The following C6orf118 variants were observed in gnomAD, a reference collection of about 807,000 sequenced individuals.
C6orf118 encodes the protein uncharacterized protein C6orf118.
A neutral mutation model predicts 50.2 loss-of-function variants in C6orf118; 50 were observed. The ratio of observed to expected loss-of-function variants is 1.00; its 90% CI spans 0.79 to 1.26. The LOEUF is 1.26. Ranked by LOEUF, C6orf118 falls within the 50% of genes most tolerant of loss-of-function variation. The probability of loss-of-function intolerance (pLI) is 0.00; values close to 1 mark genes in which losing one functional copy is unlikely to be tolerated. For synonymous variants in C6orf118, 239 were observed against 230.9 expected (o/e 1.03, Z -0.32); for missense variants, 641 against 578.7 (o/e 1.11, Z -1.10).
intron 1 of C6orf118, among the ~76,000 whole-genome samples, chr6:165,302,716 AT>A (rs1166895651): frequency 6.6e-6 from 1 of 152,120 alleles, no homozygotes; most frequent in Non-Finnish European, 1.5e-5. Flanking sequence ...TTTGGGGGGT[AT>A]TCTCACTTAA....
At chr6:165,300,929 G>A (rs1481690964) in intron 2 of C6orf118, among the ~76,000 whole-genome samples, 1 of 144,502 alleles carries the variant, frequency 6.9e-6, no homozygotes, top group African/African-American at 2.9e-5. Flanking sequence ...CACATGTGCT[G>A]CCTGGGCATA....
chr6:165,303,193 G>A (rs1313386065), intron 1 of C6orf118, among the ~76,000 whole-genome samples: 1 of 152,148 alleles, frequency 6.6e-6, no homozygotes, highest in Non-Finnish European at 1.5e-5. Flanking sequence ...CAACCAAGGC[G>A]GCTGAATACT....
At chr6:165,307,767 C>G (rs1265054240) in intron 1 of C6orf118, among the ~76,000 whole-genome samples, 1 of 152,122 alleles carries the variant, frequency 6.6e-6, no homozygotes, top group African/African-American at 2.4e-5. Context: ...AGCAGCAGGC[C>G]CAGACCCACA....
chr6:165,294,978 A>C (rs1780240708), intron 5 of C6orf118, among the ~76,000 whole-genome samples: 2 of 152,134 alleles, frequency 1.3e-5, no homozygotes, highest in Non-Finnish European at 1.5e-5. Flanking sequence ...ATTTCCAGAA[A>C]ATTTTTACAT....
At chr6:165,291,510 C>A (rs1014226072) in intron 6 of C6orf118, among the ~76,000 whole-genome samples, 1 of 152,046 alleles carries the variant, frequency 6.6e-6, no homozygotes, top group African/African-American at 2.4e-5. Context: ...TGATACCATC[C>A]ATTGAAATAG....
At chr6:165,287,453 A>G (rs1423677823) in intron 7 of C6orf118, among the ~76,000 whole-genome samples, 1 of 152,186 alleles carries the variant, frequency 6.6e-6, no homozygotes, top group Non-Finnish European at 1.5e-5. Flanking sequence ...ATATGGAAAC[A>G]AAAAAGATCC....
chr6:165,290,031 A>G lies in C6orf118; in HGVS notation c.1157T>C (p.Leu386Pro). The change falls in exon 7 of 9, where the codon CTT becomes CCT. Residue 386 changes from leucine to proline, a missense_variant. By Grantham distance (98) the Leu-to-Pro change is moderately conservative. Transcript: ENST00000230301. ...SEKHIIDENR[L>P]TLTEKVEKKR... ...CTTTTCAACCTTCTCAGTAAGAGTA[A>G]GTCGGTTTTCATCAATTATATGTTT... is the stretch of plus-strand genomic sequence containing the variant. 6.2e-7 allele frequency: 1 copy of G among 1,606,998 alleles called. No homozygotes were observed.
chr6:165,301,634 C>G lies in C6orf118; in HGVS notation c.688G>C (p.Asp230His). Residue 230 changes from aspartate (D) to histidine (H), a missense_variant, in exon 2 of 9, where the codon GAT becomes CAT. Coordinates refer to ENST00000230301, the MANE Select transcript of C6orf118 (RefSeq NM_144980.4). ...RFQKEVLAKQ[D>H]LLKNDFTGSK... ...CCAGTGAAGTCATTCTTCAGGAGAT[C>G]TTGCTTGGCGAGCACTTCCTTCTGG... is the stretch of plus-strand genomic sequence containing the variant. 6.2e-7 allele frequency: 1 copy of G among 1,614,172 alleles called. No homozygotes were observed. Among genetic ancestry groups the G allele is most frequent in the East Asian group, 2.2e-5 (1 of 44,868 alleles).
At chr6:165,287,130 C>T (rs1779934390) in intron 7 of C6orf118, among the ~76,000 whole-genome samples, 1 of 151,932 alleles carries the variant, frequency 6.6e-6, no homozygotes, top group Non-Finnish European at 1.5e-5. Context: ...TCCTGTAAAC[C>T]AACAACAGAC....
At chr6:165,287,536 T>G (rs1362230253) in intron 7 of C6orf118, among the ~76,000 whole-genome samples, 1 of 152,162 alleles carries the variant, frequency 6.6e-6, no homozygotes, top group Non-Finnish European at 1.5e-5. Flanking sequence ...CAAGCTATAC[T>G]ACAAGGCTAC....
intron 1 of C6orf118, among the ~76,000 whole-genome samples, chr6:165,308,258 C>G (rs1276748982): frequency 6.6e-6 from 1 of 152,162 alleles, no homozygotes; most frequent in Non-Finnish European, 1.5e-5. Context: ...AGTGATTAGT[C>G]TGGATGGTCA....
In C6orf118 at chr6:165,300,544, G is replaced by T. The variant is rs1320528291; in HGVS notation, c.754-58C>A. 5.2e-6 allele frequency: 8 copies of T among 1,546,230 alleles called. No homozygotes were observed. In the South Asian group the frequency reaches 8.2e-5, roughly 16 times the overall value. On this transcript the variant is annotated intron_variant, in intron 2 of 8. Coordinates refer to ENST00000230301, the MANE Select transcript of C6orf118 (RefSeq NM_144980.4). ...GTGGCTTCATCTTTCTTCCAGAACC[G>T]AATTTCTCAGGAGTCAGTGAGGACA...
chr6:165,292,846 C>T (rs1375358904), intron 6 of C6orf118, among the ~76,000 whole-genome samples: 5 of 152,094 alleles, frequency 3.3e-5, no homozygotes, highest in African/African-American at 9.7e-5. Context: ...GGGAAAAAGG[C>T]GGTAAAAGCA....
chr6:165,289,991 T>C lies in C6orf118; in HGVS notation c.1197A>G (p.Ile399Met), dbSNP rs758980537. The C allele has an allele frequency of 1.9e-6, 3 of 1,611,212 alleles. No homozygotes were observed. In the South Asian group the frequency reaches 3.3e-5, roughly 18 times the overall value. ...TEKVEKKRCE[I>M]LSKWDEIQAL... ...CTTGTATCTCATCCCACTTACTGAG[T>C]ATTTCACACCTCTTCTTTTCAACCT... Residue 399 changes from isoleucine to methionine, a missense_variant, in exon 7 of 9, where the codon ATA becomes ATG. By Grantham distance (10) the Ile-to-Met change is conservative. Coordinates refer to ENST00000230301, the MANE Select transcript of C6orf118 (RefSeq NM_144980.4).
intron 6 of C6orf118, among the ~76,000 whole-genome samples, chr6:165,292,844 G>A (rs1194483763): frequency 2.0e-5 from 3 of 152,166 alleles, no homozygotes; most frequent in African/African-American, 4.8e-5. Flanking sequence ...GGGGGAAAAA[G>A]GCGGTAAAAG....
chr6:165,290,765 G>A (rs955091941), intron 6 of C6orf118, among the ~76,000 whole-genome samples: 4 of 152,168 alleles, frequency 2.6e-5, no homozygotes, highest in Non-Finnish European at 4.4e-5. Context: ...CTGTTGGGAA[G>A]CTATGGCAAT....
intron 4 of C6orf118, 100 bp downstream of exon 4, chr6:165,299,343 C>G (rs1341965502): frequency 3.0e-6 from 3 of 991,856 alleles, no homozygotes; most frequent in East Asian, 4.8e-5. Flanking sequence ...TTATGGGGCA[C>G]ACATGGGGCT....
intron 1 of C6orf118, among the ~76,000 whole-genome samples, chr6:165,306,474 T>TA (rs200571884): frequency 0.048 from 4,768 of 100,348 alleles, 343 homozygotes; most frequent in African/African-American, 0.16. Flanking sequence ...TAGAGTATAA[T>TA]AAAAAAAAAT....
rs1178669936 is a variant in C6orf118, at chr6:165,289,755, G to T, written c.1302+131C>A. 6 of 479,598 alleles carry T rather than the reference G, an allele frequency of 1.3e-5. No homozygotes were observed. In the East Asian group the frequency reaches 1.4e-4, roughly 11 times the overall value. 29.7% of individuals were successfully genotyped at this position (479,598 alleles called of 1,614,324 possible). On this transcript the variant is annotated intron_variant, in intron 7 of 8. Coordinates refer to ENST00000230301, the MANE Select transcript of C6orf118 (RefSeq NM_144980.4). ...TATGATTATTTGCTACAAACATTTT[G>T]AAATAAAAAGTACATTTGGGCCAAA... is the stretch of plus-strand genomic sequence containing the variant.
Sources: allele counts gnomAD v4.1 joint callset (sites outside exome capture counted in the v4.1 genomes callset), GRCh38; gene constraint gnomAD v4.1.1; transcripts MANE v1.5; gene names NCBI Gene and HGNC (gene_info 2026-07-23, HGNC 2026-07-21).